Variants in PTDSS1 observed in about 807,000 individuals in gnomAD.
The protein encoded by PTDSS1 is phosphatidylserine synthase 1, also known as PSS-1.
Under a neutral mutation model 70.5 loss-of-function variants are expected in PTDSS1, and 45 were observed. That is an observed-to-expected ratio of 0.64 (90% CI 0.50 to 0.82). The LOEUF is 0.82. Among genes scored for constraint, PTDSS1 ranks in the 40% least tolerant of loss-of-function variants. The pLI, the probability that PTDSS1 is intolerant of heterozygous loss-of-function variation, is 0.00. For missense variants in PTDSS1, 417 were observed against 586.1 expected (o/e 0.71, Z 2.98); for synonymous variants, 188 against 203.8 (o/e 0.92, Z 0.66).
Position 96,262,246 on chromosome 8 carries a change from C to A in PTDSS1, c.179+27C>A, listed in dbSNP as rs1393824378. 2.2e-6 allele frequency: 3 copies of A among 1,360,602 alleles called. No individual in the cohort carries two copies. The highest frequency in any genetic ancestry group is 1.5e-5 in the African/African-American group (1 of 66,606). The allele number at this position is 1,360,602 out of a possible 1,614,324, so 84.3% of individuals were successfully genotyped here. A position where few individuals can be genotyped will look rare whatever the true frequency, so the allele number is the denominator to read the frequency against. On this transcript the variant is annotated intron_variant, in intron 1 of 12. Transcript: ENST00000517309. The surrounding 1 kb of genome is among the most constrained non-coding windows in gnomAD (Gnocchi z 4.4). ...TGGGGCGGCCCAGCCGAGCGGGGGGCGCGTCCAAGGGCTAGGGAAGAGGCG... is the reference window on the plus strand; with the variant it reads ...TGGGGCGGCCCAGCCGAGCGGGGGGAGCGTCCAAGGGCTAGGGAAGAGGCG...
chr8:96,332,854 C>G (rs1003457664), intron 12 of PTDSS1, among the ~76,000 whole-genome samples: 4 of 152,176 alleles, frequency 2.6e-5, no homozygotes, highest in African/African-American at 9.6e-5. Flanking sequence ...GGGCAGAGAA[C>G]CCTTTGGCTT....
chr8:96,330,147 A>G (rs1236122300), intron 10 of PTDSS1, 66 bp from the exon 11 acceptor site: 88 of 1,456,600 alleles, frequency 6.0e-5, no homozygotes, highest in South Asian at 3.7e-4. Flanking sequence ...ATTGATTCCC[A>G]CTGAAACCCT....
chr8:96,282,067 C>A (rs1810746209), intron 2 of PTDSS1, among the ~76,000 whole-genome samples: 1 of 152,160 alleles, frequency 6.6e-6, no homozygotes, highest in South Asian at 2.1e-4. Context: ...ATAGGTCATA[C>A]AGTTTTAGAG....
intron 1 of PTDSS1, among the ~76,000 whole-genome samples, chr8:96,267,188 T>C: frequency 6.6e-6 from 1 of 152,254 alleles, no homozygotes; most frequent in Non-Finnish European, 1.5e-5. Flanking sequence ...TTTTTCAGTC[T>C]TAACTAATCC....
intron 1 of PTDSS1, among the ~76,000 whole-genome samples, chr8:96,266,182 C>G (rs564846744): frequency 6.6e-6 from 1 of 152,364 alleles, no homozygotes; most frequent in African/African-American, 2.4e-5. Flanking sequence ...GCCCACCTCT[C>G]CTTAAGAGGC....
rs892964669 is a variant in PTDSS1 at position 96,262,299 on chromosome 8, C to A, written c.179+80C>A. The A allele has an allele frequency of 4.8e-6, 7 of 1,461,596 alleles. No individual in the cohort carries two copies. In the African/African-American group the frequency reaches 9.8e-5, roughly 20 times the overall value. 90.5% of individuals were successfully genotyped at this position (1,461,596 alleles called of 1,614,324 possible). ...AGGGAGGGTGGCGGGGAGGGGGGCC[C>A]GGCATGGCTCTGGGTGAGGAAGTGG... On this transcript the variant is annotated intron_variant, in intron 1 of 12. Transcript: ENST00000517309. This position sits in a 1 kb window ranked among gnomAD's most constrained non-coding sequence, Gnocchi z 4.4.
At chr8:96,280,319 T>A (rs1333317519) in intron 2 of PTDSS1, among the ~76,000 whole-genome samples, 1 of 152,088 alleles carries the variant, frequency 6.6e-6, no homozygotes, top group African/African-American at 2.4e-5. Context: ...GTCAGGAGTT[T>A]GAGACCAGCC....
chr8:96,307,333 T>C (rs1295454219), intron 8 of PTDSS1, among the ~76,000 whole-genome samples: 1 of 151,944 alleles, frequency 6.6e-6, no homozygotes. Flanking sequence ...TCATTATTTT[T>C]AATGTGCTTG....
intron 6 of PTDSS1, among the ~76,000 whole-genome samples, chr8:96,300,991 TCA>T (rs1397614963): frequency 2.0e-5 from 3 of 152,246 alleles, no homozygotes; most frequent in African/African-American, 7.2e-5. Context: ...GTCAAATTTA[TCA>T]CACATAAAAT....
chr8:96,327,917 G>A (rs1160406779), intron 10 of PTDSS1, among the ~76,000 whole-genome samples: 1 of 152,146 alleles, frequency 6.6e-6, no homozygotes, highest in Non-Finnish European at 1.5e-5. Context: ...TACGTGCCTA[G>A]ATTTCCACAG....
chr8:96,281,772 A>C (rs964926558), intron 2 of PTDSS1, among the ~76,000 whole-genome samples: 7 of 152,174 alleles, frequency 4.6e-5, no homozygotes, highest in Non-Finnish European at 1.5e-5. Context: ...GGTGCTCCTC[A>C]TGACTCAGCC....
chr8:96,276,867 T>C (rs1014968150), intron 2 of PTDSS1, among the ~76,000 whole-genome samples: 1 of 152,172 alleles, frequency 6.6e-6, no homozygotes, highest in Non-Finnish European at 1.5e-5. Flanking sequence ...TGTCTGTGAC[T>C]GGCAGGAACT....
chr8:96,301,204 G>T (rs1026233587), intron 6 of PTDSS1, among the ~76,000 whole-genome samples: 9 of 151,414 alleles, frequency 5.9e-5, no homozygotes, highest in African/African-American at 2.2e-4. Context: ...ATCTCGGCTC[G>T]CTGCAGCCTC....
chr8:96,332,142 G>A (rs561587989), intron 12 of PTDSS1, among the ~76,000 whole-genome samples: 6 of 151,656 alleles, frequency 4.0e-5, no homozygotes, highest in East Asian at 3.9e-4. Context: ...GATTTTGGTC[G>A]TGTAGTTAGG....
Position 96,286,622 on chromosome 8 carries a change from G to A in PTDSS1, c.317-400G>A, listed in dbSNP as rs1321209839. Among the ~76,000 whole-genome samples the A allele has an allele frequency of 2.6e-5, 4 of 152,160 alleles. No individual in the cohort carries two copies. The East Asian group carries it at 7.7e-4, about 29-fold the overall frequency. ...TTTAAGCCCTGATGGTCACTTCAGG[G>A]CCGCCTTGCTCCATTCCCCTCTCTG... On this transcript the variant is annotated intron_variant, in intron 3 of 12. Transcript: ENST00000517309.
chr8:96,303,455 CTT>C (rs1457063559), intron 6 of PTDSS1, among the ~76,000 whole-genome samples: 1 of 152,282 alleles, frequency 6.6e-6, no homozygotes, highest in East Asian at 1.9e-4. Context: ...ATTAAAGACT[CTT>C]TACCAGTTAT....
At chr8:96,325,984 C>T (rs1398112736) in intron 10 of PTDSS1, among the ~76,000 whole-genome samples, 1 of 152,068 alleles carries the variant, frequency 6.6e-6, no homozygotes, top group African/African-American at 2.4e-5. Flanking sequence ...GAAGAAACTT[C>T]AAGAAGGAAG....
chr8:96,332,259 C>T lies in PTDSS1; in HGVS notation c.1312+1164C>T, dbSNP rs143318291. 2.0e-4 allele frequency among the ~76,000 whole-genome samples: 30 copies of T among 152,238 alleles called. No individual in the cohort carries two copies. In the East Asian group the frequency reaches 5.4e-3, roughly 27 times the overall value. The stretch of plus-strand genomic sequence containing the variant: ...ATGACATTGAGGTGATTTCATTGGA[C>T]AGTAATTCCTCGTCAATCCTTATAA... On this transcript the variant is annotated intron_variant, in intron 12 of 12. Transcript: ENST00000517309.
chr8:96,309,575 C>A lies in PTDSS1; in HGVS notation c.1026C>A (p.Leu342=). The A allele has an allele frequency of 1.9e-6, 3 of 1,614,020 alleles. No homozygotes were observed. Among genetic ancestry groups the A allele is most frequent in the Non-Finnish European group, 2.5e-6 (3 of 1,179,956 alleles). Residue 342 remains leucine, a synonymous_variant, in exon 9 of 13, where the codon CTC becomes CTA. Coordinates refer to ENST00000517309, the MANE Select transcript of PTDSS1 (RefSeq NM_014754.3). ...CTTTCAGACAGTACTACGCTTACCTCACCGACACACAGTGCAAGCGCGTAG... is the reference window on the plus strand; with the variant it reads ...CTTTCAGACAGTACTACGCTTACCTAACCGACACACAGTGCAAGCGCGTAG... ...APTVRQYYAY[L]TDTQCKRVGT...
Sources: allele counts gnomAD v4.1 joint callset (sites outside exome capture counted in the v4.1 genomes callset), GRCh38; gene constraint gnomAD v4.1.1; non-coding constraint Gnocchi (gnomAD v3.1); transcripts MANE v1.5; gene names NCBI Gene and HGNC (gene_info 2026-07-23, HGNC 2026-07-21).